The following NRXN1 variants were observed in gnomAD, a reference collection of about 807,000 sequenced individuals.
NRXN1 encodes neurexin 1.
NRXN1 carries 39 observed loss-of-function variants against 150.9 expected under a neutral mutation model. The observed-to-expected ratio is 0.26, with a 90% CI of 0.20 to 0.34. NRXN1 has a LOEUF of 0.34. Ranked by LOEUF, NRXN1 falls within the 10% of genes least tolerant of loss-of-function variation. The pLI is 1.00. For missense variants in NRXN1, 1,815 were observed against 1,949.9 expected (o/e 0.93, Z 1.30); for synonymous variants, 924 against 757.0 (o/e 1.22, Z -3.62).
intron 5 of NRXN1, among the ~76,000 whole-genome samples, chr2:50,765,561 G>A (rs1702288154): frequency 6.6e-6 from 1 of 152,068 alleles, no homozygotes; most frequent in Non-Finnish European, 1.5e-5. Context: ...CCATGTGCAT[G>A]CTCCAGGGAC....
rs552231598 is a variant in NRXN1 at position 50,646,708 on chromosome 2, C to CTTTT, written c.833-23097_833-23094dup. ...TCCTGCCTCTGTACTTTCATGTTGT[C>CTTTT]TTTTTTTTTTTTTTTTTTTTTCTCT... On this transcript the variant is annotated intron_variant, in intron 5 of 22. Coordinates refer to ENST00000401669, the MANE Select transcript of NRXN1 (RefSeq NM_001330078.2). Among the ~76,000 whole-genome samples, 487 of 107,232 alleles carry CTTTT rather than the reference C, an allele frequency of 4.5e-3. 4 individuals carry two copies. Among genetic ancestry groups the CTTTT allele is most frequent in the African/African-American group, 0.011 (318 of 28,664 alleles). 70.3% of individuals were successfully genotyped at this position (107,232 alleles called of 152,430 possible). A position where few individuals can be genotyped will look rare whatever the true frequency, so the allele number is the denominator to read the frequency against.
At chr2:50,255,911 A>G (rs1490831878) in intron 17 of NRXN1, among the ~76,000 whole-genome samples, 1 of 152,140 alleles carries the variant, frequency 6.6e-6, no homozygotes, top group East Asian at 1.9e-4. Context: ...TAGATCATTT[A>G]TCAAAGAATG....
At chr2:50,678,304 T>C (rs892750215) in intron 5 of NRXN1, among the ~76,000 whole-genome samples, 6 of 152,314 alleles carry the variant, frequency 3.9e-5, no homozygotes, top group African/African-American at 1.4e-4. Context: ...TTAAATTTTA[T>C]TTCACATGCA....
At chr2:50,478,050 T>A (rs1044706395) in intron 15 of NRXN1, among the ~76,000 whole-genome samples, 1 of 152,160 alleles carries the variant, frequency 6.6e-6, no homozygotes, top group African/African-American at 2.4e-5. Context: ...TCTTTAATTT[T>A]AATATTGTAT....
chr2:50,922,584 G>C, intron 4 of NRXN1, 74 bp downstream of exon 4: 1 of 1,389,958 alleles, frequency 7.2e-7, no homozygotes, highest in South Asian at 1.2e-5. Context: ...CCCATCCTTT[G>C]CAGTGATGGT....
chr2:50,295,533 T>C (rs933721510), intron 17 of NRXN1, among the ~76,000 whole-genome samples: 1 of 152,174 alleles, frequency 6.6e-6, no homozygotes, highest in African/African-American at 2.4e-5. Flanking sequence ...ATATGAGCAA[T>C]AAAATAAATC....
intron 18 of NRXN1, among the ~76,000 whole-genome samples, chr2:50,236,054 G>C (rs1387655362): frequency 2.0e-5 from 3 of 151,966 alleles, no homozygotes; most frequent in Non-Finnish European, 4.4e-5. Context: ...TTAAAATGCA[G>C]AGAAATAAGT....
chr2:50,445,192 A>G (rs2086292246), intron 17 of NRXN1, among the ~76,000 whole-genome samples: 1 of 152,178 alleles, frequency 6.6e-6, no homozygotes, highest in South Asian at 2.1e-4. Context: ...AATACCCCAC[A>G]TAACCAAAAC....
intron 17 of NRXN1, among the ~76,000 whole-genome samples, chr2:50,273,834 T>G (rs1294593207): frequency 1.3e-5 from 2 of 152,248 alleles, no homozygotes; most frequent in East Asian, 3.9e-4. Flanking sequence ...ACATACCATC[T>G]CATGTCAGTT....
chr2:50,567,222 A>C (rs1670008671), intron 8 of NRXN1, among the ~76,000 whole-genome samples: 1 of 152,214 alleles, frequency 6.6e-6, no homozygotes, highest in Non-Finnish European at 1.5e-5. Context: ...TTGCCTTGTA[A>C]CTGGAGAATA....
At chr2:49,985,508 A>T (rs1479815514) in intron 21 of NRXN1, among the ~76,000 whole-genome samples, 1 of 152,216 alleles carries the variant, frequency 6.6e-6, no homozygotes, top group Non-Finnish European at 1.5e-5. Flanking sequence ...CTCTTTAGAA[A>T]ATGTTAGGCT....
intron 2 of NRXN1, among the ~76,000 whole-genome samples, chr2:50,999,299 T>C (rs576896880): frequency 6.6e-6 from 1 of 152,196 alleles, no homozygotes; most frequent in African/African-American, 2.4e-5. Context: ...AAGTTCCTAT[T>C]ATGCACTGTA....
chr2:51,019,538 C>T (rs1027214441), intron 2 of NRXN1, among the ~76,000 whole-genome samples: 7 of 152,018 alleles, frequency 4.6e-5, no homozygotes, highest in Admixed American at 1.3e-4. Flanking sequence ...GGGGGAAAAT[C>T]ATGTATATTT....
intron 2 of NRXN1, among the ~76,000 whole-genome samples, chr2:50,963,125 A>T (rs1693475325): frequency 6.6e-6 from 1 of 151,700 alleles, no homozygotes; most frequent in Non-Finnish European, 1.5e-5. Context: ...TTGCAAGTGA[A>T]TAATTTCCCT....
intron 17 of NRXN1, among the ~76,000 whole-genome samples, chr2:50,428,535 G>C (rs1196167141): frequency 6.6e-6 from 1 of 152,186 alleles, no homozygotes; most frequent in Non-Finnish European, 1.5e-5. Flanking sequence ...GTTCTATTCT[G>C]TAAACTGTCT....
At chr2:50,187,137 T>G (rs1049484935) in intron 18 of NRXN1, among the ~76,000 whole-genome samples, 1 of 152,016 alleles carries the variant, frequency 6.6e-6, no homozygotes, top group Non-Finnish European at 1.5e-5. Flanking sequence ...AGATCACACC[T>G]AAAACATGTG....
In NRXN1 at chr2:50,346,389, C is replaced by T. The variant is rs2077972788; in HGVS notation, c.3365-109419G>A. ...GAGTGACCTTCTGGCAACTGACGCC[C>T]CCTTCCCGCGGGGCCCAGCCGCGCG... is the stretch of plus-strand genomic sequence containing the variant. On this transcript the variant is annotated intron_variant, in intron 17 of 22. Transcript: ENST00000401669. This position sits in a 1 kb window ranked among gnomAD's most constrained non-coding sequence, Gnocchi z 5.0. Among the ~76,000 whole-genome samples the T allele has an allele frequency of 6.6e-6, 1 of 152,128 alleles. No homozygotes were observed. Among genetic ancestry groups the T allele is most frequent in the Non-Finnish European group, 1.5e-5 (1 of 68,014 alleles).
intron 2 of NRXN1, among the ~76,000 whole-genome samples, chr2:51,020,317 T>C (rs1178839942): frequency 6.6e-6 from 1 of 151,872 alleles, no homozygotes; most frequent in Non-Finnish European, 1.5e-5. Flanking sequence ...CTTAAAGCAC[T>C]TATTTTATTT....
chr2:50,359,136 C>CAAA (rs1326902336), intron 17 of NRXN1, among the ~76,000 whole-genome samples: 1 of 151,930 alleles, frequency 6.6e-6, no homozygotes, highest in Non-Finnish European at 1.5e-5. Flanking sequence ...TAGACAAATC[C>CAAA]ACAAAGATGA....
Sources: allele counts gnomAD v4.1 joint callset (sites outside exome capture counted in the v4.1 genomes callset), GRCh38; gene constraint gnomAD v4.1.1; non-coding constraint Gnocchi (gnomAD v3.1); transcripts MANE v1.5; gene names NCBI Gene and HGNC (gene_info 2026-07-23, HGNC 2026-07-21).